The following RGS6 variants were observed in gnomAD, a reference collection of about 807,000 sequenced individuals.
The protein encoded by RGS6 is regulator of G protein signaling 6.
A neutral mutation model predicts 78.5 loss-of-function variants in RGS6; 30 were observed. The ratio of observed to expected loss-of-function variants is 0.38; its 90% confidence interval spans 0.29 to 0.52. RGS6 has a LOEUF of 0.52. Among genes scored for constraint, RGS6 ranks in the 20% least tolerant of loss-of-function variants. RGS6 has a pLI of 0.85. For missense variants in RGS6, 495 were observed against 609.7 expected (o/e 0.81, Z 1.98); for synonymous variants, 206 against 206.0 (o/e 1.00, Z 0.00).
In RGS6 at chr14:72,300,593, A is replaced by G. The variant is rs545179002; in HGVS notation, c.85-51502A>G. ...ACTTTAGTTGTTGACTAAGCAAAGT[A>G]TTTGTTGACTAATGTGACTGAGTTG... On this transcript the variant is annotated intron_variant, in intron 2 of 17. Coordinates refer to ENST00000553525, the MANE Select transcript of RGS6 (RefSeq NM_001204424.2). Among the ~76,000 whole-genome samples, 6 of 152,302 alleles carry G rather than the reference A, an allele frequency of 3.9e-5. No homozygotes were observed. In the South Asian group the frequency reaches 1.2e-3, roughly 32 times the overall value.
chr14:72,611,688 C>G, the RGS6 span, among the ~76,000 whole-genome samples: 1 of 152,194 alleles, frequency 6.6e-6, no homozygotes, highest in African/African-American at 2.4e-5. Flanking sequence ...GTGACTTCAT[C>G]AGTTCACCAG....
rs141590230 is a variant in RGS6 at position 72,439,900 on chromosome 14, A to G, written c.185-14628A>G. Among the ~76,000 whole-genome samples the G allele has an allele frequency of 7.9e-5, 12 of 152,190 alleles. No individual in the cohort carries two copies. The East Asian group carries it at 2.3e-3, about 29-fold the overall frequency. ...AGACCACATCCTGTGGGTTCCTGTA[A>G]CTGTTCCTCCTTGCTACCCCATTCG... On this transcript the variant is annotated intron_variant, in intron 3 of 17. Coordinates refer to ENST00000553525, the MANE Select transcript of RGS6 (RefSeq NM_001204424.2).
At chr14:72,623,576 G>A in the RGS6 span, among the ~76,000 whole-genome samples, 5 of 152,174 alleles carry the variant, frequency 3.3e-5, no homozygotes, top group African/African-American at 4.8e-5. Flanking sequence ...CATCAAATGA[G>A]TAATTATGTT....
At chr14:72,194,237 A>G (rs1220850676) in intron 2 of RGS6, among the ~76,000 whole-genome samples, 1 of 152,326 alleles carries the variant, frequency 6.6e-6, no homozygotes, top group East Asian at 1.9e-4. Flanking sequence ...TGGGTCAAGC[A>G]TCACTCATTC....
At chr14:71,931,251 C>A (rs2152921273), upstream of RGS6, among the ~76,000 whole-genome samples, 1 of 152,134 alleles carries the variant, frequency 6.6e-6, no homozygotes, top group South Asian at 2.1e-4. Context: ...CAGGTTTCCC[C>A]CCACCCCCCG....
At chr14:72,551,162 C>T (rs2097501336) in intron 17 of RGS6, among the ~76,000 whole-genome samples, 1 of 152,098 alleles carries the variant, frequency 6.6e-6, no homozygotes, top group African/African-American at 2.4e-5. Flanking sequence ...GAATAGTTAT[C>T]ATAGCTGTAG....
At chr14:72,195,492 G>T (rs897154808) in intron 2 of RGS6, among the ~76,000 whole-genome samples, 1 of 152,128 alleles carries the variant, frequency 6.6e-6, no homozygotes, top group Admixed American at 6.5e-5. Flanking sequence ...GAGGGCCCAG[G>T]GCCAGGGGCT....
the RGS6 span, among the ~76,000 whole-genome samples, chr14:71,878,502 C>G: frequency 3.9e-5 from 6 of 152,334 alleles, no homozygotes; most frequent in South Asian, 4.1e-4. Context: ...GATATAATCT[C>G]CTGCTGTGCC....
the RGS6 span, among the ~76,000 whole-genome samples, chr14:72,584,159 G>A: frequency 6.6e-6 from 1 of 152,172 alleles, no homozygotes; most frequent in Non-Finnish European, 1.5e-5. Flanking sequence ...TGGGTACACT[G>A]TCTGGGGTGT....
the RGS6 span, among the ~76,000 whole-genome samples, chr14:71,871,293 C>A: frequency 2.0e-5 from 3 of 152,166 alleles, no homozygotes; most frequent in African/African-American, 7.2e-5. Flanking sequence ...GCATTTTCTC[C>A]AGAATCTTCT....
intron 2 of RGS6, among the ~76,000 whole-genome samples, chr14:72,237,853 C>G (rs981530594): frequency 6.6e-6 from 1 of 152,082 alleles, no homozygotes; most frequent in African/African-American, 2.4e-5. Flanking sequence ...CTGGAGCCCT[C>G]GAGGGCATGT....
At chr14:72,223,043 G>C in intron 2 of RGS6, among the ~76,000 whole-genome samples, 1 of 152,212 alleles carries the variant, frequency 6.6e-6, no homozygotes, top group East Asian at 1.9e-4. Context: ...CCAAATTAAT[G>C]AGATTTAACT....
chr14:71,892,536 G>T, the RGS6 span, among the ~76,000 whole-genome samples: 2 of 152,204 alleles, frequency 1.3e-5, no homozygotes, highest in Admixed American at 6.5e-5. Context: ...TGCAAGAGTT[G>T]TTTTGTCTCC....
At chr14:72,204,324 A>G (rs1178999045) in intron 2 of RGS6, among the ~76,000 whole-genome samples, 1 of 152,188 alleles carries the variant, frequency 6.6e-6, no homozygotes, top group African/African-American at 2.4e-5. Flanking sequence ...GTCACCAAAC[A>G]TAGCCCACAA....
chr14:72,517,125 T>C (rs2096956795), intron 14 of RGS6, among the ~76,000 whole-genome samples: 1 of 125,994 alleles, frequency 7.9e-6, no homozygotes, highest in Admixed American at 9.1e-5. Flanking sequence ...CAGAAAAACA[T>C]GTTTAACCCT....
rs1294161126 is a variant in RGS6 at position 72,472,950 on chromosome 14, T to C, written c.615T>C (p.Pro205=). ...QERAFWDVHR[P]VPGCVNTTEM... ...GAGCCTTTTGGGATGTCCACAGGCCTGTGGTGAGAAAGCGCTACTCAATTC... is the reference window on the plus strand; with the variant it reads ...GAGCCTTTTGGGATGTCCACAGGCCCGTGGTGAGAAAGCGCTACTCAATTC... Residue 205 remains proline (P), a synonymous_variant, in exon 9 of 18, where the codon CCT becomes CCC. Transcript: ENST00000553525. 19 of 1,598,172 alleles carry C rather than the reference T, an allele frequency of 1.2e-5. No homozygotes were observed. The highest frequency in any genetic ancestry group is 1.8e-5 in the Admixed American group (1 of 56,366).
intron 2 of RGS6, among the ~76,000 whole-genome samples, chr14:71,971,019 C>T (rs574717918): frequency 1.3e-5 from 2 of 152,130 alleles, no homozygotes; most frequent in African/African-American, 4.8e-5. Context: ...ATACCGAGTT[C>T]AGGAGACTTT....
At chr14:72,299,850 C>T (rs1048385189) in intron 2 of RGS6, among the ~76,000 whole-genome samples, 17 of 152,190 alleles carry the variant, frequency 1.1e-4, no homozygotes, top group Admixed American at 8.5e-4. Flanking sequence ...TATCCCTTCT[C>T]ACTTTCCTGA....
intron 2 of RGS6, among the ~76,000 whole-genome samples, chr14:71,998,893 C>A (rs796751847): frequency 9.9e-5 from 15 of 152,244 alleles, no homozygotes; most frequent in African/African-American, 3.4e-4. Flanking sequence ...CAGCCAGAGA[C>A]CATACAGAAA....
Sources: allele counts gnomAD v4.1 joint callset (sites outside exome capture counted in the v4.1 genomes callset), GRCh38; gene constraint gnomAD v4.1.1; transcripts MANE v1.5; gene names NCBI Gene and HGNC (gene_info 2026-07-23, HGNC 2026-07-21).